TMEM266: variants seen among roughly 807,000 people sequenced by gnomAD.
The protein encoded by TMEM266 is transmembrane protein 266, also known as Hv1 related protein 1.
A neutral mutation model predicts 50.5 loss-of-function variants in TMEM266; 33 were observed. That is an observed-to-expected ratio of 0.65 (90% CI 0.50 to 0.87). TMEM266 has a LOEUF of 0.87. Among genes scored for constraint, TMEM266 ranks in the 40% least tolerant of loss-of-function variants. TMEM266 has a pLI of 0.00. For synonymous variants in TMEM266, 310 were observed against 292.3 expected (o/e 1.06, Z -0.62); for missense variants, 655 against 695.1 (o/e 0.94, Z 0.65).
At position 76,202,279 on chromosome 15, in the gene TMEM266, G is replaced by C; in HGVS notation, c.1021+15G>C. 6.2e-7 allele frequency: 1 copy of C among 1,609,774 alleles called. No homozygotes were observed. The highest frequency in any genetic ancestry group is 2.2e-5 in the East Asian group (1 of 44,816). The stretch of plus-strand genomic sequence containing the variant: ...GCCCAGCAGTGGTAAGTCTGGGTTG[G>C]GGCTGTTCTACATGTGCCACAACCC... On this transcript the variant is annotated intron_variant, in intron 10 of 10. Transcript: ENST00000388942.
intron 4 of TMEM266, 152 bp downstream of exon 4, chr15:76,156,910 C>A: frequency 1.3e-6 from 1 of 766,606 alleles, no homozygotes; most frequent in Non-Finnish European, 2.1e-6. Context: ...TGGGGATGGC[C>A]GCTGGGGAGG....
chr15:76,179,048 C>G (rs1038429911), intron 8 of TMEM266, among the ~76,000 whole-genome samples: 21 of 152,032 alleles, frequency 1.4e-4, no homozygotes, highest in Admixed American at 1.3e-4. Context: ...GTAACAGATA[C>G]CCTGGAGGAA....
chr15:76,065,723 A>T (rs2036401883), intron 1 of TMEM266, among the ~76,000 whole-genome samples: 1 of 151,506 alleles, frequency 6.6e-6, no homozygotes, highest in Admixed American at 6.6e-5. Flanking sequence ...AACAAATGCT[A>T]TTTTTTTTTA....
chr15:76,130,244 A>C (rs916160964), intron 1 of TMEM266, among the ~76,000 whole-genome samples: 20 of 100,412 alleles, frequency 2.0e-4, no homozygotes, highest in South Asian at 3.0e-4. Flanking sequence ...AAAAAAAAAA[A>C]AAAAAAAAAA....
At chr15:76,096,262 C>T (rs1567149097) in intron 1 of TMEM266, among the ~76,000 whole-genome samples, 1 of 152,000 alleles carries the variant, frequency 6.6e-6, no homozygotes, top group African/African-American at 2.4e-5. Context: ...TATAAATCTC[C>T]CTCTGCACAG....
At chr15:76,155,357 G>T (rs1008754410) in intron 3 of TMEM266, among the ~76,000 whole-genome samples, 8 of 152,132 alleles carry the variant, frequency 5.3e-5, no homozygotes, top group African/African-American at 1.9e-4. Context: ...GGCCTTTCTT[G>T]TGCTCCTGAG....
intron 1 of TMEM266, among the ~76,000 whole-genome samples, chr15:76,126,259 A>G (rs1021169367): frequency 6.6e-6 from 1 of 151,590 alleles, no homozygotes; most frequent in Non-Finnish European, 1.5e-5. Flanking sequence ...TTGAAGAGAT[A>G]TCTGCACTCT....
chr15:76,175,395 C>G, intron 7 of TMEM266, 164 bp from the exon 8 acceptor site: 1 of 603,984 alleles, frequency 1.7e-6, no homozygotes, highest in Non-Finnish European at 3.0e-6. Context: ...CTGTGGCCCT[C>G]TGTACTTTCT....
Position 76,156,698 on chromosome 15 carries a change from G to A in TMEM266, c.322G>A (p.Val108Ile). Residue 108 changes from valine to isoleucine, a missense_variant, in exon 4 of 11, where the codon GTA becomes ATA. Physicochemically the swap from Val to Ile is conservative, Grantham distance 29. Transcript: ENST00000388942. The stretch of plus-strand genomic sequence containing the variant: ...TCTCAACAGTTTCCTGGTAGCCTGT[G>A]TAATATTGGTGGTGATTCTCCTGAC... 1 of 1,614,200 alleles carries A rather than the reference G, an allele frequency of 6.2e-7. No homozygotes were observed. The highest frequency in any genetic ancestry group is 1.3e-5 in the African/African-American group (1 of 75,056).
intron 1 of TMEM266, among the ~76,000 whole-genome samples, chr15:76,090,108 T>C (rs1439575200): frequency 1.3e-5 from 2 of 152,166 alleles, no homozygotes; most frequent in African/African-American, 2.4e-5. Flanking sequence ...GCTGAAATCA[T>C]AGTGCTAGAT....
chr15:76,132,856 C>T (rs1223414676), intron 1 of TMEM266, among the ~76,000 whole-genome samples: 2 of 114,912 alleles, frequency 1.7e-5, no homozygotes, highest in Non-Finnish European at 3.8e-5. Context: ...TATTACTGGC[C>T]AGGCACAGTG....
intron 9 of TMEM266, among the ~76,000 whole-genome samples, chr15:76,193,432 C>G (rs943722437): frequency 2.0e-5 from 3 of 152,162 alleles, no homozygotes; most frequent in African/African-American, 7.2e-5. Context: ...GTTGCCCAGG[C>G]TGGTCTCAAA....
chr15:76,171,701 G>A (rs537934647), intron 7 of TMEM266, among the ~76,000 whole-genome samples: 11 of 152,204 alleles, frequency 7.2e-5, no homozygotes, highest in South Asian at 2.1e-4. Flanking sequence ...CTTTAGTGAC[G>A]TGCCTTTCCA....
At chr15:76,202,080 C>A in intron 9 of TMEM266, 122 bp from the exon 10 acceptor site, 1 of 814,912 alleles carries the variant, frequency 1.2e-6, no homozygotes, top group Non-Finnish European at 1.9e-6. Flanking sequence ...GCTCCCGTCA[C>A]ACACACCAAG....
At chr15:76,151,267 C>CT (rs2037839236) in intron 3 of TMEM266, among the ~76,000 whole-genome samples, 2 of 152,216 alleles carry the variant, frequency 1.3e-5, no homozygotes, top group Non-Finnish European at 2.9e-5. Context: ...CACTAAGCCC[C>CT]TTGAGTCATT....
intron 1 of TMEM266, among the ~76,000 whole-genome samples, chr15:76,133,458 AAAT>A (rs966148159): frequency 2.0e-5 from 3 of 152,156 alleles, no homozygotes; most frequent in Admixed American, 1.3e-4. Context: ...TAAATAAAAT[AAAT>A]AATAATAATG....
At chr15:76,093,619 G>C (rs896056475) in intron 1 of TMEM266, among the ~76,000 whole-genome samples, 1 of 152,008 alleles carries the variant, frequency 6.6e-6, no homozygotes, top group African/African-American at 2.4e-5. Context: ...AATCCTTTGG[G>C]TATATACCCA....
chr15:76,119,276 C>T lies in TMEM266; in HGVS notation c.-96-14892C>T, dbSNP rs146691967. Among the ~76,000 whole-genome samples the T allele has an allele frequency of 7.9e-3, 1,193 of 151,692 alleles. 4 individuals are homozygous for T. Among genetic ancestry groups the T allele is most frequent in the Middle Eastern group, 0.024 (7 of 290 alleles). ...TAAGCCTGCCATATTTGTACCCACTCTACTTGCCAGCTTGTAAGTCCTGGA... is the reference window on the plus strand; with the variant it reads ...TAAGCCTGCCATATTTGTACCCACTTTACTTGCCAGCTTGTAAGTCCTGGA... On this transcript the variant is annotated intron_variant, in intron 1 of 10. Transcript: ENST00000388942.
intron 1 of TMEM266, among the ~76,000 whole-genome samples, chr15:76,072,477 A>G (rs933469239): frequency 4.6e-5 from 7 of 151,126 alleles, no homozygotes; most frequent in Non-Finnish European, 1.0e-4. Flanking sequence ...GCACTGGACT[A>G]AGGCCTCAGG....
Sources: gnomAD v4.1 joint callset for allele counts (sites outside exome capture counted in the v4.1 genomes callset) on GRCh38, gnomAD v4.1.1 for gene constraint, MANE v1.5 for transcripts, NCBI Gene and HGNC (gene_info 2026-07-23, HGNC 2026-07-21) for gene names.